GADL1: variants seen among roughly 807,000 people sequenced by gnomAD.
GADL1 encodes acidic amino acid decarboxylase GADL1.
Under a neutral mutation model 69.5 loss-of-function variants are expected in GADL1, and 71 were observed. The ratio of observed to expected loss-of-function variants is 1.02; its 90% CI spans 0.84 to 1.25. The LOEUF (loss-of-function observed/expected upper bound fraction) is 1.25. GADL1 is among the 50% of genes most tolerant of loss of function. GADL1 has a pLI of 0.00. For synonymous variants in GADL1, 254 were observed against 214.4 expected (o/e 1.18, Z -1.62); for missense variants, 737 against 631.8 (o/e 1.17, Z -1.79).
At position 30,765,396 on chromosome 3, in the gene GADL1, G is replaced by A. The variant is rs148110310; in HGVS notation, c.1392+12783C>T. On this transcript the variant is annotated intron_variant, in intron 14 of 14. Transcript: ENST00000282538. ...CAAAGAACAAACCATGATGTCTTCA[G>A]GAAGCCACAATAAGCATATAAGTTG... 6.5e-4 allele frequency among the ~76,000 whole-genome samples: 99 copies of A among 152,336 alleles called. No individual in the cohort carries two copies. In the Middle Eastern group the frequency reaches 0.014, roughly 21 times the overall value.
intron 12 of GADL1, among the ~76,000 whole-genome samples, chr3:30,793,813 G>A (rs1356641572): frequency 1.3e-5 from 2 of 151,626 alleles, no homozygotes; most frequent in East Asian, 1.9e-4. Context: ...GCCGCTTAGC[G>A]CCTCCCTGAA....
chr3:30,867,620 T>C (rs1698423357), intron 1 of GADL1, among the ~76,000 whole-genome samples: 1 of 151,710 alleles, frequency 6.6e-6, no homozygotes, highest in South Asian at 2.1e-4. Context: ...TTGCCCAAGG[T>C]CACAGAACTA....
intron 6 of GADL1, 81 bp from the exon 7 acceptor site, chr3:30,844,547 T>C (rs983762732): frequency 1.4e-5 from 13 of 928,528 alleles, no homozygotes; most frequent in Non-Finnish European, 2.1e-5. Flanking sequence ...CAAAGGTAGA[T>C]GAAAGTATGG....
intron 14 of GADL1, among the ~76,000 whole-genome samples, chr3:30,761,678 G>C (rs917410508): frequency 6.6e-6 from 1 of 150,510 alleles, no homozygotes; most frequent in African/African-American, 2.5e-5. Flanking sequence ...AAAAAGGAAT[G>C]AGATTTTTTT....
chr3:30,779,957 CTG>C (rs778047571), intron 13 of GADL1, among the ~76,000 whole-genome samples: 3 of 152,146 alleles, frequency 2.0e-5, no homozygotes, highest in East Asian at 1.9e-4. Context: ...CCTACAGAAT[CTG>C]TGGTTCATTT....
At chr3:30,775,413 T>TTG (rs1338501008) in intron 14 of GADL1, among the ~76,000 whole-genome samples, 1 of 152,248 alleles carries the variant, frequency 6.6e-6, no homozygotes, top group East Asian at 1.9e-4. Context: ...AATCATATAC[T>TTG]TGTATTCTCA....
At chr3:30,888,276 G>A (rs1575249226) in intron 1 of GADL1, among the ~76,000 whole-genome samples, 1 of 152,248 alleles carries the variant, frequency 6.6e-6, no homozygotes, top group South Asian at 2.1e-4. Context: ...ACATAGAAGA[G>A]CCTTCTTAGA....
intron 1 of GADL1, among the ~76,000 whole-genome samples, chr3:30,884,483 G>A (rs1698679178): frequency 6.6e-6 from 1 of 151,954 alleles, no homozygotes; most frequent in African/African-American, 2.4e-5. Context: ...TCTGAGCACA[G>A]GTTCAGGAAG....
Position 30,728,340 on chromosome 3 carries a change from C to G in GADL1, c.1468G>C (p.Val490Leu), listed in dbSNP as rs111590277. Reference protein sequence around the residue: ...MLGYQPHRGKVNFFRQVVISP... With the variant: ...MLGYQPHRGKLNFFRQVVISP... The stretch of plus-strand genomic sequence containing the variant: ...ATCACCACCTGGCGGAAGAAGTTGA[C>G]CTTTCCCCGGTGCGGCTGGTAGCCC... The change falls in exon 15 of 15, where the codon GTC becomes CTC. Residue 490 changes from valine (V) to leucine (L), a missense_variant. By Grantham distance (32) the Val-to-Leu change is conservative. Transcript: ENST00000282538. 6.8e-6 allele frequency: 11 copies of G among 1,613,920 alleles called. No homozygotes were observed. In the African/African-American group the frequency reaches 1.2e-4, roughly 18 times the overall value.
chr3:30,840,327 A>G (rs1410619060), intron 8 of GADL1, among the ~76,000 whole-genome samples: 1 of 152,174 alleles, frequency 6.6e-6, no homozygotes, highest in Non-Finnish European at 1.5e-5. Flanking sequence ...CTCTAAACTG[A>G]GATGCATACG....
At position 30,866,185 on chromosome 3, in the gene GADL1, C is replaced by A. The variant is rs185087297; in HGVS notation, c.38-4420G>T. 5.3e-5 allele frequency among the ~76,000 whole-genome samples: 8 copies of A among 152,100 alleles called. No individual in the cohort carries two copies. In the East Asian group the frequency reaches 1.4e-3, roughly 26 times the overall value. On this transcript the variant is annotated intron_variant, in intron 1 of 14. Transcript: ENST00000282538. ...TTCAATACATAAATGACACCAGGCACGGTGGTTCACACCTGCAATCTCAGC... is the reference window on the plus strand; with the variant it reads ...TTCAATACATAAATGACACCAGGCAAGGTGGTTCACACCTGCAATCTCAGC...
intron 11 of GADL1, among the ~76,000 whole-genome samples, chr3:30,810,638 G>C (rs1697333095): frequency 6.6e-6 from 1 of 152,150 alleles, no homozygotes; most frequent in Non-Finnish European, 1.5e-5. Context: ...CCTGTGTCCA[G>C]CTCAAGGCAG....
Position 30,727,134 on chromosome 3 carries a change from T to TATATATACTATACACAC in GADL1, c.*1107_*1108insGTGTGTATAGTATATAT, listed in dbSNP as rs1401792221. ...ACATATGTATGTGTGTGTATATATATACATATATATGTATATATGTATATC... is the reference window on the plus strand; with the variant it reads ...ACATATGTATGTGTGTGTATATATATATATATACTATACACACACATATATATGTATATATGTATATC... On this transcript the variant is annotated 3_prime_UTR_variant, in exon 15 of 15. Coordinates refer to ENST00000282538, the MANE Select transcript of GADL1 (RefSeq NM_207359.3). 6.6e-6 allele frequency: 1 copy of TATATATACTATACACAC among 150,496 alleles called. No individual in the cohort carries two copies. The highest frequency in any genetic ancestry group is 2.4e-5 in the African/African-American group (1 of 40,984). 9.3% of individuals were successfully genotyped at this position (150,496 alleles called of 1,614,324 possible).
At chr3:30,870,472 T>C (rs531623010) in intron 1 of GADL1, among the ~76,000 whole-genome samples, 1 of 151,762 alleles carries the variant, frequency 6.6e-6, no homozygotes, top group East Asian at 2.0e-4. Flanking sequence ...GATTTGGAAA[T>C]AGGGACTGGG....
chr3:30,731,649 T>C (rs552189405), intron 14 of GADL1, among the ~76,000 whole-genome samples: 2 of 152,256 alleles, frequency 1.3e-5, no homozygotes, highest in Non-Finnish European at 2.9e-5. Context: ...AAACCAAACT[T>C]CTAGGACAAA....
At chr3:30,845,866 T>G (rs549517635) in intron 6 of GADL1, among the ~76,000 whole-genome samples, 1 of 152,190 alleles carries the variant, frequency 6.6e-6, no homozygotes, top group Admixed American at 6.5e-5. Context: ...TAATGATAAA[T>G]GCTAGCCTAC....
chr3:30,860,359 T>A (rs1698302884), intron 2 of GADL1, among the ~76,000 whole-genome samples: 1 of 151,974 alleles, frequency 6.6e-6, no homozygotes, highest in Non-Finnish European at 1.5e-5. Flanking sequence ...AAAGCTTTAG[T>A]CATAGCTAAT....
At chr3:30,810,399 A>G (rs1697326936) in intron 11 of GADL1, among the ~76,000 whole-genome samples, 1 of 152,044 alleles carries the variant, frequency 6.6e-6, no homozygotes, top group South Asian at 2.1e-4. Context: ...AGACAGACAG[A>G]TACATAGGTA....
chr3:30,791,707 A>G (rs1300552079), intron 12 of GADL1, among the ~76,000 whole-genome samples: 1 of 152,070 alleles, frequency 6.6e-6, no homozygotes, highest in Non-Finnish European at 1.5e-5. Context: ...AAGCCCAGTG[A>G]TATGGTTTGG....
Sources: gnomAD v4.1 joint callset for allele counts (sites outside exome capture counted in the v4.1 genomes callset) on GRCh38, gnomAD v4.1.1 for gene constraint, MANE v1.5 for transcripts, NCBI Gene and HGNC (gene_info 2026-07-23, HGNC 2026-07-21) for gene names.